Variants in ENPP3 observed in about 807,000 individuals in gnomAD.
The protein encoded by ENPP3 is ectonucleotide pyrophosphatase/phosphodiesterase family member 3.
In ENPP3, 104 loss-of-function variants were observed where a neutral mutation model predicts 117.8. That is an observed-to-expected ratio of 0.88 (90% CI 0.75 to 1.04). The LOEUF (loss-of-function observed/expected upper bound fraction) is 1.04. ENPP3 is among the 50% of genes least tolerant of loss of function. The pLI, the probability that ENPP3 is intolerant of heterozygous loss-of-function variation, is 0.00. For synonymous variants in ENPP3, 380 were observed against 349.9 expected, an observed-to-expected ratio of 1.09 and a Z score of -0.96; for missense variants, 1,026 against 1,051.9, an observed-to-expected ratio of 0.98 and a Z score of 0.34.
chr6:131,671,590 A>G (rs933931965), intron 7 of ENPP3, among the ~76,000 whole-genome samples: 1 of 152,222 alleles, frequency 6.6e-6, no homozygotes, highest in Non-Finnish European at 1.5e-5. Flanking sequence ...GATGTGAGAA[A>G]TACCATTTTC....
intron 6 of ENPP3, among the ~76,000 whole-genome samples, chr6:131,668,060 CT>C (rs1778654701): frequency 6.6e-6 from 1 of 152,014 alleles, no homozygotes; most frequent in Admixed American, 6.6e-5. Flanking sequence ...ATGAAAGTAC[CT>C]ATTTTCAGCC....
chr6:131,680,583 GAGA>G (rs1423019673), intron 11 of ENPP3, among the ~76,000 whole-genome samples: 3 of 126,012 alleles, frequency 2.4e-5, no homozygotes, highest in Admixed American at 1.5e-4. Context: ...CTTAAAACTT[GAGA>G]AGAAGAGGCA....
In ENPP3 at chr6:131,667,643, G is replaced by A. The variant is rs115297540; in HGVS notation, c.563-3605G>A. On this transcript the variant is annotated intron_variant, in intron 6 of 24. Coordinates refer to ENST00000357639, the MANE Select transcript of ENPP3 (RefSeq NM_005021.5). The stretch of plus-strand genomic sequence containing the variant: ...TTGAGAGTTCTCTCCTGATCATATA[G>A]CATCGTTCTGGGAATGGGTATTATG... Among the ~76,000 whole-genome samples, 842 of 152,312 alleles carry A rather than the reference G, an allele frequency of 5.5e-3. 6 individuals are homozygous for A. The highest frequency in any genetic ancestry group is 0.017 in the African/African-American group (713 of 41,580).
intron 18 of ENPP3, among the ~76,000 whole-genome samples, chr6:131,723,284 C>T (rs889294435): frequency 6.6e-6 from 1 of 152,110 alleles, no homozygotes; most frequent in South Asian, 2.1e-4. Flanking sequence ...AAATAAATAA[C>T]CAACCAAAGG....
chr6:131,638,523 C>T, intron 1 of ENPP3: 1 of 449,980 alleles, frequency 2.2e-6, no homozygotes, highest in South Asian at 1.6e-5. Flanking sequence ...CCTGCCTCAG[C>T]CTCCTGAGTA....
At chr6:131,718,799 T>A in intron 16 of ENPP3, 61 bp downstream of exon 16, 1 of 992,518 alleles carries the variant, frequency 1.0e-6, no homozygotes. Flanking sequence ...GTACAGAATG[T>A]GCAGGTTTGT....
intron 2 of ENPP3, among the ~76,000 whole-genome samples, chr6:131,641,870 A>C (rs1778052454): frequency 8.1e-6 from 1 of 123,242 alleles, no homozygotes; most frequent in Admixed American, 1.2e-4. Flanking sequence ...ATCTCCACTC[A>C]CTGCAGTTCC....
chr6:131,701,510 C>G, intron 15 of ENPP3: 1 of 558,664 alleles, frequency 1.8e-6, no homozygotes, highest in East Asian at 2.9e-5. Context: ...GAAAAGTGTT[C>G]AGACAGCTGC....
intron 1 of ENPP3, among the ~76,000 whole-genome samples, chr6:131,639,510 C>G (rs937905272): frequency 1.3e-5 from 2 of 151,918 alleles, no homozygotes; most frequent in African/African-American, 4.8e-5. Flanking sequence ...TCATTAATTT[C>G]CCTTCTTTGT....
At chr6:131,685,083 C>T (rs890721336) in intron 12 of ENPP3, among the ~76,000 whole-genome samples, 19 of 152,080 alleles carry the variant, frequency 1.2e-4, no homozygotes, top group Admixed American at 7.2e-4. Flanking sequence ...GGAGCACAGC[C>T]GAAATAATAT....
At chr6:131,692,031 T>G (rs1269417227) in intron 14 of ENPP3, among the ~76,000 whole-genome samples, 2 of 152,166 alleles carry the variant, frequency 1.3e-5, no homozygotes, top group Admixed American at 6.6e-5. Flanking sequence ...GTCTATATTT[T>G]GTTTAAATTT....
intron 3 of ENPP3, among the ~76,000 whole-genome samples, chr6:131,650,403 T>A (rs1778239001): frequency 6.6e-6 from 1 of 152,034 alleles, no homozygotes; most frequent in Non-Finnish European, 1.5e-5. Context: ...TTAATTTTTT[T>A]GTAGAGACAG....
intron 2 of ENPP3, among the ~76,000 whole-genome samples, chr6:131,643,970 T>TGTGA (rs1554260016): frequency 5.3e-4 from 80 of 150,752 alleles, no homozygotes; most frequent in African/African-American, 1.8e-3. Context: ...TGTGTGTGTG[T>TGTGA]GAAATAACTT....
At chr6:131,721,718 A>G (rs1019210361) in intron 17 of ENPP3, among the ~76,000 whole-genome samples, 9 of 152,208 alleles carry the variant, frequency 5.9e-5, no homozygotes, top group Non-Finnish European at 1.2e-4. Context: ...AATGTACTAC[A>G]AGGAAGATTA....
At chr6:131,681,549 C>G (rs1171245294) in intron 11 of ENPP3, among the ~76,000 whole-genome samples, 1 of 150,914 alleles carries the variant, frequency 6.6e-6, no homozygotes, top group East Asian at 1.9e-4. Flanking sequence ...GTGAAATTTA[C>G]TTAAACTTTA....
rs150542323 is a variant in ENPP3 at position 131,729,518 on chromosome 6, A to G, written c.1953+3318A>G. 7.6e-4 allele frequency among the ~76,000 whole-genome samples: 116 copies of G among 152,308 alleles called. 1 individual carries two copies. In the East Asian group the frequency reaches 0.021, roughly 27 times the overall value. On this transcript the variant is annotated intron_variant, in intron 20 of 24. Transcript: ENST00000357639. ...CTTCTCCAGTAAGATTTTGAGAGCTAAAAAGTTCATATTTTATCTGAGTGT... is the reference window on the plus strand; with the variant it reads ...CTTCTCCAGTAAGATTTTGAGAGCTGAAAAGTTCATATTTTATCTGAGTGT...
chr6:131,669,655 CAAAAAAAA>C lies in ENPP3; in HGVS notation c.563-1576_563-1569del, dbSNP rs67597128. ...TGGGTGACAGAGCGAGACTCCATCT[CAAAAAAAA>C]AAAAAAAAAAAAAAAAGAAAGAAAG... On this transcript the variant is annotated intron_variant, in intron 6 of 24. Coordinates refer to ENST00000357639, the MANE Select transcript of ENPP3 (RefSeq NM_005021.5). Among the ~76,000 whole-genome samples, 62 of 61,746 alleles carry C rather than the reference CAAAAAAAA, an allele frequency of 1.0e-3. No homozygotes were observed. In the East Asian group the frequency reaches 0.036, roughly 36 times the overall value. The allele number at this position is 61,746 out of a possible 152,430, so 40.5% of individuals were successfully genotyped here.
intron 15 of ENPP3, chr6:131,710,001 A>C (rs202093315): frequency 0.01 from 16,340 of 1,604,366 alleles, 104 homozygotes; most frequent in Non-Finnish European, 0.011. Flanking sequence ...ATAACTGAAT[A>C]ATAATGTGGT....
At chr6:131,683,749 G>GT (rs397940601) in intron 12 of ENPP3, among the ~76,000 whole-genome samples, 24,819 of 126,562 alleles carry the variant, frequency 0.2, 3,205 homozygotes, top group African/African-American at 0.3. Context: ...CACTCTACAG[G>GT]TTTTTTTTTT....
Sources: allele counts gnomAD v4.1 joint callset (sites outside exome capture counted in the v4.1 genomes callset), GRCh38; gene constraint gnomAD v4.1.1; transcripts MANE v1.5; gene names NCBI Gene and HGNC (gene_info 2026-07-23, HGNC 2026-07-21).